ARHGEF9: variants seen among roughly 807,000 people sequenced by gnomAD.
ARHGEF9 encodes Cdc42 guanine nucleotide exchange factor 9, also known as rho guanine nucleotide exchange factor 9.
ARHGEF9 carries 2 observed loss-of-function variants against 41.3 expected under a neutral mutation model. The ratio of observed to expected loss-of-function variants is 0.05; its 90% CI spans 0.02 to 0.15. ARHGEF9 has a LOEUF of 0.15. Ranked by LOEUF, ARHGEF9 falls within the 10% of genes least tolerant of loss-of-function variation. The pLI, the probability that ARHGEF9 is intolerant of heterozygous loss-of-function variation, is 1.00. For synonymous variants in ARHGEF9, 160 were observed against 154.4 expected (o/e 1.04, Z -0.27); for missense variants, 225 against 424.7 (o/e 0.53, Z 4.13).
At chrX:63,711,685 G>A (rs1162872454) in intron 2 of ARHGEF9, among the ~76,000 whole-genome samples, 1 of 111,941 alleles carries the variant, frequency 8.9e-6, no homozygotes, top group East Asian at 2.8e-4. Context: ...AATGGAATCA[G>A]ATTATAAAAG....
chrX:63,752,772 C>T (rs1234863817), intron 1 of ARHGEF9, among the ~76,000 whole-genome samples: 2 of 111,927 alleles, frequency 1.8e-5, no homozygotes, highest in African/African-American at 3.3e-5. Flanking sequence ...ATTTCAAAGG[C>T]CCCCTTCACA....
chrX:63,700,905 T>G (rs2052115465), intron 3 of ARHGEF9, among the ~76,000 whole-genome samples: 1 of 111,252 alleles, frequency 9.0e-6, no homozygotes, highest in African/African-American at 3.3e-5. Flanking sequence ...TCCTAGAGCC[T>G]AATCTCTGTC....
chrX:63,748,285 C>T (rs1160462341), intron 1 of ARHGEF9, among the ~76,000 whole-genome samples: 4 of 111,690 alleles, frequency 3.6e-5, no homozygotes, highest in Non-Finnish European at 3.8e-5. Flanking sequence ...GACTCGAATG[C>T]CATTTATTTG....
chrX:63,666,015 G>C lies in ARHGEF9; in HGVS notation c.948C>G (p.Gly316=). ...QWQASVLDWE[G]EDILDRSSEL... is the part of the protein sequence containing the mutation. ...CCGAGCTCCTGTCTAGGATGTCCTC[G>C]CCCTGGGAAGGACATGTGATGATGA... is the stretch of plus-strand genomic sequence containing the variant. The change falls in exon 7 of 10, where the codon GGC becomes GGG. Residue 316 remains glycine, a splice_region_variant and synonymous_variant. Transcript: ENST00000671741. 2 of 1,208,607 alleles carry C rather than the reference G, an allele frequency of 1.7e-6. No individual in the cohort carries two copies. The highest frequency in any genetic ancestry group is 2.2e-6 in the Non-Finnish European group (2 of 894,905).
chrX:63,782,289 A>T (rs2056394996), intron 1 of ARHGEF9, among the ~76,000 whole-genome samples: 1 of 111,803 alleles, frequency 8.9e-6, no homozygotes, highest in Non-Finnish European at 1.9e-5. Flanking sequence ...CTTTATCCCC[A>T]TTTTATGTAA....
At chrX:63,772,387 T>A (rs1556455444) in intron 1 of ARHGEF9, among the ~76,000 whole-genome samples, 1 of 112,036 alleles carries the variant, frequency 8.9e-6, no homozygotes, top group Non-Finnish European at 1.9e-5. Flanking sequence ...AAAGTCCTTT[T>A]CTTGTATCAC....
At position 63,642,392 on chromosome X, in the gene ARHGEF9, T is replaced by C. The variant is rs782444837; in HGVS notation, c.1390+1588A>G. The C allele has an allele frequency of 1.1e-3, 128 of 112,199 alleles. 1 individual carries two copies. The highest frequency in any genetic ancestry group is 4.0e-3 in the African/African-American group (124 of 30,926). The allele number at this position is 112,199 out of a possible 1,213,427, so 9.2% of individuals were successfully genotyped here. On this transcript the variant is annotated intron_variant, in intron 9 of 9. Transcript: ENST00000671741. ...TAACACCATCTCTCACATGTTATTA[T>C]AGCAATCAAAAGGTTAGGAGTTAAT...
chrX:63,665,729 C>T (rs1276839467), intron 7 of ARHGEF9, among the ~76,000 whole-genome samples, 157 bp downstream of exon 7: 1 of 112,049 alleles, frequency 8.9e-6, no homozygotes, highest in African/African-American at 3.2e-5. Flanking sequence ...ATTCATGCCA[C>T]ATTAGTGTTC....
At chrX:63,650,105 G>A (rs1285246592) in intron 8 of ARHGEF9, among the ~76,000 whole-genome samples, 44 of 111,312 alleles carry the variant, frequency 4.0e-4, no homozygotes, top group African/African-American at 1.4e-3. Flanking sequence ...AGCCATTATA[G>A]AAAAACAGTA....
chrX:63,675,299 C>T (rs782607443), intron 5 of ARHGEF9, among the ~76,000 whole-genome samples: 4 of 112,025 alleles, frequency 3.6e-5, no homozygotes, highest in Non-Finnish European at 7.5e-5. Flanking sequence ...TATAGACCAC[C>T]TTATCATCTC....
intron 9 of ARHGEF9, chrX:63,639,548 T>C (rs782787969): frequency 1.5e-3 from 163 of 111,805 alleles, no homozygotes; most frequent in African/African-American, 5.0e-3. Flanking sequence ...AGTCAAGATA[T>C]AGAACATTTC....
intron 6 of ARHGEF9, among the ~76,000 whole-genome samples, chrX:63,666,449 T>TACACACACAC (rs782141996): frequency 0.027 from 534 of 19,789 alleles, 4 homozygotes; most frequent in African/African-American, 0.072. Flanking sequence ...CATATATATA[T>TACACACACAC]ACATACACAC....
chrX:63,637,725 G>T lies in ARHGEF9; in HGVS notation c.*303C>A. On this transcript the variant is annotated 3_prime_UTR_variant, in exon 10 of 10. Coordinates refer to ENST00000671741, the MANE Select transcript of ARHGEF9 (RefSeq NM_001353921.2). ...TCTGAAAGCAAAGGGAAGGGGGACA[G>T]GGTAAAAATGGAAAACTTTTAAGAC... 4.3e-6 allele frequency: 1 copy of T among 235,146 alleles called. No individual in the cohort carries two copies. The highest frequency in any genetic ancestry group is 7.6e-6 in the Non-Finnish European group (1 of 132,141). The allele number at this position is 235,146 out of a possible 1,213,427, so 19.4% of individuals were successfully genotyped here. A position where few individuals can be genotyped will look rare whatever the true frequency, so the allele number is the denominator to read the frequency against.
intron 4 of ARHGEF9, among the ~76,000 whole-genome samples, chrX:63,682,694 T>C (rs2050733874): frequency 8.9e-6 from 1 of 111,915 alleles, no homozygotes; most frequent in African/African-American, 3.3e-5. Flanking sequence ...AATCAATTAT[T>C]ATGATACATT....
intron 1 of ARHGEF9, among the ~76,000 whole-genome samples, chrX:63,783,308 C>G (rs2056411489): frequency 9.9e-6 from 1 of 101,308 alleles, no homozygotes; most frequent in South Asian, 4.8e-4. Flanking sequence ...GAGTTTCGCT[C>G]TTGTTGCTCA....
chrX:63,741,772 C>G (rs1390380427), intron 1 of ARHGEF9, among the ~76,000 whole-genome samples: 1 of 112,482 alleles, frequency 8.9e-6, no homozygotes, highest in Non-Finnish European at 1.9e-5. Flanking sequence ...GTGTGTGTAT[C>G]CTGCCTGTGC....
chrX:63,664,375 C>G (rs782396656), intron 7 of ARHGEF9, among the ~76,000 whole-genome samples: 1 of 112,563 alleles, frequency 8.9e-6, no homozygotes, highest in Admixed American at 9.4e-5. Context: ...TAATCCCAGC[C>G]TTGGCTAACA....
chrX:63,695,448 C>T (rs1264422628), intron 4 of ARHGEF9, among the ~76,000 whole-genome samples: 1 of 111,739 alleles, frequency 8.9e-6, no homozygotes, highest in Non-Finnish European at 1.9e-5. Context: ...ATGCAATCAA[C>T]AACAGCCTTG....
In ARHGEF9 at chrX:63,637,524, C is replaced by T. The variant is rs2047366935; in HGVS notation, c.*504G>A. 1 of 269,192 alleles carries T rather than the reference C, an allele frequency of 3.7e-6. No homozygotes were observed. 22.2% of individuals were successfully genotyped at this position (269,192 alleles called of 1,213,427 possible). A position where few individuals can be genotyped will look rare whatever the true frequency, so the allele number is the denominator to read the frequency against. Reference sequence around the variant, plus strand: ...TGGAAAGTAAAAGAGGGGAAAAAACCCTGAAACCTCCCAACTCTACCACAT... The same window carrying T: ...TGGAAAGTAAAAGAGGGGAAAAAACTCTGAAACCTCCCAACTCTACCACAT... On this transcript the variant is annotated 3_prime_UTR_variant, in exon 10 of 10. Transcript: ENST00000671741.
Sources: gnomAD v4.1 joint callset for allele counts (sites outside exome capture counted in the v4.1 genomes callset) on GRCh38, gnomAD v4.1.1 for gene constraint, MANE v1.5 for transcripts, NCBI Gene and HGNC (gene_info 2026-07-23, HGNC 2026-07-21) for gene names.